Variants in CDIN1 observed in about 807,000 individuals in gnomAD.
CDIN1 encodes the protein CDAN1-interacting nuclease 1.
CDIN1 carries 33 observed loss-of-function variants against 45.3 expected under a neutral mutation model. The observed-to-expected ratio is 0.73, with a 90% CI of 0.55 to 0.97. CDIN1 has a LOEUF of 0.97. Among genes scored for constraint, CDIN1 ranks in the 50% least tolerant of loss-of-function variants. The pLI is 0.00. For synonymous variants in CDIN1, 118 were observed against 124.4 expected, an observed-to-expected ratio of 0.95 and a Z score of 0.34; for missense variants, 303 against 339.4, an observed-to-expected ratio of 0.89 and a Z score of 0.84.
intron 1 of CDIN1, 57 bp from the exon 2 acceptor site, chr15:36,644,221 T>G: frequency 6.5e-7 from 1 of 1,541,646 alleles, no homozygotes; most frequent in Non-Finnish European, 8.9e-7. Flanking sequence ...CCTTTCTCTT[T>G]TGTTTCTTTG....
chr15:36,734,536 C>A (rs1206732903), intron 10 of CDIN1, among the ~76,000 whole-genome samples: 1 of 151,946 alleles, frequency 6.6e-6, no homozygotes, highest in East Asian at 1.9e-4. Flanking sequence ...ATAAATAACC[C>A]AAGTTTGTTC....
At chr15:36,632,011 T>G (rs1253572158) in intron 1 of CDIN1, among the ~76,000 whole-genome samples, 2 of 151,904 alleles carry the variant, frequency 1.3e-5, no homozygotes, top group Non-Finnish European at 2.9e-5. Context: ...TTTAAGGAAT[T>G]TTTTGTAGAG....
At chr15:36,792,482 G>C (rs957107057) in intron 10 of CDIN1, among the ~76,000 whole-genome samples, 3 of 152,030 alleles carry the variant, frequency 2.0e-5, no homozygotes, top group African/African-American at 7.3e-5. Context: ...TGTGGAGCTG[G>C]GCTGTGAATG....
At chr15:36,743,915 C>T (rs1332314716) in intron 10 of CDIN1, among the ~76,000 whole-genome samples, 2 of 150,910 alleles carry the variant, frequency 1.3e-5, no homozygotes, top group Admixed American at 6.6e-5. Context: ...AAAAAAAACA[C>T]GAGGCTGTCT....
At chr15:36,665,001 TC>T (rs2041193988) in intron 5 of CDIN1, among the ~76,000 whole-genome samples, 1 of 152,212 alleles carries the variant, frequency 6.6e-6, no homozygotes, top group African/African-American at 2.4e-5. Context: ...TCTTGAAAGC[TC>T]CACTGTATCA....
chr15:36,580,932 A>C (rs1039692026), intron 1 of CDIN1, among the ~76,000 whole-genome samples: 1 of 152,246 alleles, frequency 6.6e-6, no homozygotes, highest in Non-Finnish European at 1.5e-5. Context: ...AGGTAATTGG[A>C]TAATAGGTAT....
At position 36,707,970 on chromosome 15, in the gene CDIN1, A is replaced by G. The variant is rs1595500881; in HGVS notation, c.545-1253A>G. The G allele has an allele frequency of 2.6e-5, 4 of 151,248 alleles. No individual in the cohort carries two copies. The South Asian group carries it at 8.3e-4, about 32-fold the overall frequency. The allele number at this position is 151,248 out of a possible 1,614,324, so 9.4% of individuals were successfully genotyped here. A position where few individuals can be genotyped will look rare whatever the true frequency, so the allele number is the denominator to read the frequency against. On this transcript the variant is annotated intron_variant, in intron 8 of 10. Transcript: ENST00000566621. Reference sequence around the variant, plus strand: ...GAGATTGTTCTGAATACTGGCACCAATCCTTCAAAATCTAGACAGCTTAAG... The same window carrying G: ...GAGATTGTTCTGAATACTGGCACCAGTCCTTCAAAATCTAGACAGCTTAAG...
intron 10 of CDIN1, among the ~76,000 whole-genome samples, chr15:36,739,637 C>T (rs565107633): frequency 3.3e-5 from 5 of 152,228 alleles, no homozygotes; most frequent in Admixed American, 2.0e-4. Flanking sequence ...CACTGTGACA[C>T]GTATTTTAAC....
At chr15:36,765,057 C>CTTTTTTTTTTTTTTTTTTTTTT (rs377685100) in intron 10 of CDIN1, among the ~76,000 whole-genome samples, 2 of 139,638 alleles carry the variant, frequency 1.4e-5, no homozygotes, top group Non-Finnish European at 3.1e-5. Context: ...ATTTTTCTTT[C>CTTTTTTTTTTTTTTTTTTTTTT]TTTCTTTTTT....
chr15:36,642,999 G>T (rs1274295246), intron 1 of CDIN1, among the ~76,000 whole-genome samples: 3 of 152,064 alleles, frequency 2.0e-5, no homozygotes, highest in African/African-American at 7.2e-5. Flanking sequence ...TGGATGTTAA[G>T]CTCGGTCAAG....
intron 10 of CDIN1, among the ~76,000 whole-genome samples, chr15:36,758,013 ATTATAT>A (rs2140989434): frequency 6.6e-6 from 1 of 152,166 alleles, no homozygotes; most frequent in East Asian, 1.9e-4. Flanking sequence ...ATTAAACTTT[ATTATAT>A]GTATGTATGT....
chr15:36,585,893 G>A (rs1469137619), intron 1 of CDIN1, among the ~76,000 whole-genome samples: 1 of 152,142 alleles, frequency 6.6e-6, no homozygotes, highest in Non-Finnish European at 1.5e-5. Flanking sequence ...TATTACTTGA[G>A]AGTGGAAATA....
chr15:36,656,671 C>A (rs2040795675), intron 4 of CDIN1, among the ~76,000 whole-genome samples: 1 of 152,114 alleles, frequency 6.6e-6, no homozygotes, highest in African/African-American at 2.4e-5. Context: ...TCAGGCTGGA[C>A]TACCTTCAGT....
Position 36,645,225 on chromosome 15 carries a change from A to G in CDIN1, c.150A>G (p.Lys50=), listed in dbSNP as rs2040264341. The G allele has an allele frequency of 2.6e-6, 4 of 1,551,512 alleles. No homozygotes were observed. Among genetic ancestry groups the G allele is most frequent in the East Asian group, 2.4e-5 (1 of 41,000 alleles). ...TGTTGTTGTTTTTTTTCTTTCAGAAACACATTAAAAGAACACATGCCAAAC... is the reference window on the plus strand; with the variant it reads ...TGTTGTTGTTTTTTTTCTTTCAGAAGCACATTAAAAGAACACATGCCAAAC... ...LLSIFSQEYQ[K]HIKRTHAKHH... is the part of the protein sequence containing the mutation. Residue 50 remains lysine (K), a splice_region_variant and synonymous_variant, in exon 3 of 11, where the codon AAA becomes AAG. Coordinates refer to ENST00000566621, the MANE Select transcript of CDIN1 (RefSeq NM_001321759.2).
chr15:36,607,398 A>G (rs995262452), intron 1 of CDIN1, among the ~76,000 whole-genome samples: 6 of 152,232 alleles, frequency 3.9e-5, no homozygotes, highest in South Asian at 2.1e-4. Flanking sequence ...ATTTAAAATA[A>G]GCTGTGAGAA....
At chr15:36,726,862 G>T (rs1173196503) in intron 10 of CDIN1, among the ~76,000 whole-genome samples, 3 of 152,026 alleles carry the variant, frequency 2.0e-5, no homozygotes, top group South Asian at 4.1e-4. Context: ...TTTTAACAGG[G>T]TTTATCAGCG....
intron 10 of CDIN1, among the ~76,000 whole-genome samples, chr15:36,751,576 C>T (rs1186849047): frequency 6.6e-6 from 1 of 151,810 alleles, no homozygotes; most frequent in Non-Finnish European, 1.5e-5. Context: ...TTGTGGAAGA[C>T]AGTACAGTGT....
At chr15:36,605,957 G>T (rs1264119578) in intron 1 of CDIN1, among the ~76,000 whole-genome samples, 1 of 152,144 alleles carries the variant, frequency 6.6e-6, no homozygotes, top group Non-Finnish European at 1.5e-5. Context: ...GATAAGTTTT[G>T]ATTGTAGAAG....
At chr15:36,766,996 T>C (rs12324282) in intron 10 of CDIN1, among the ~76,000 whole-genome samples, 136,309 of 152,162 alleles carry the variant, frequency 0.9, 62,940 homozygotes, top group Non-Finnish European at 1. Flanking sequence ...GTGTCATGTC[T>C]AGGAAATCAT....
Sources: gnomAD v4.1 joint callset for allele counts (sites outside exome capture counted in the v4.1 genomes callset) on GRCh38, gnomAD v4.1.1 for gene constraint, MANE v1.5 for transcripts, NCBI Gene and HGNC (gene_info 2026-07-23, HGNC 2026-07-21) for gene names.